Variants in AMPH observed in about 807,000 individuals in gnomAD.
AMPH encodes amphiphysin.
In AMPH, 49 loss-of-function variants were observed where a neutral mutation model predicts 99.1. The ratio of observed to expected loss-of-function variants is 0.49; its 90% CI spans 0.39 to 0.63. The LOEUF (loss-of-function observed/expected upper bound fraction) is 0.63. Ranked by LOEUF, AMPH falls within the 20% of genes least tolerant of loss-of-function variation. The pLI, the probability that AMPH is intolerant of heterozygous loss-of-function variation, is 0.00. For missense variants in AMPH, 759 were observed against 863.4 expected (o/e 0.88, Z 1.52); for synonymous variants, 314 against 317.3 (o/e 0.99, Z 0.11).
intron 17 of AMPH, 74 bp downstream of exon 17, chr7:38,417,751 G>A (rs1187947400): frequency 9.0e-6 from 14 of 1,563,548 alleles, no homozygotes; most frequent in East Asian, 2.3e-5. Flanking sequence ...AGATGAGAGC[G>A]ATGCATATGG....
intron 1 of AMPH, among the ~76,000 whole-genome samples, chr7:38,579,946 C>T (rs1792384196): frequency 6.6e-6 from 1 of 152,138 alleles, no homozygotes; most frequent in South Asian, 2.1e-4. Context: ...CAGTCCCAGA[C>T]TCATGAATAA....
chr7:38,417,862 A>C lies in AMPH; in HGVS notation c.1361T>G (p.Met454Arg). Residue 454 changes from methionine (M) to arginine (R), a missense_variant, in exon 17 of 21, where the codon ATG becomes AGG. Around this residue, in one of 2 missense-constraint regions of AMPH, gnomAD observed 554 missense variants for 575.6 expected, o/e 0.96. Coordinates refer to ENST00000356264, the MANE Select transcript of AMPH (RefSeq NM_001635.4). ...VTPAVGLDLG[M>R]DTRAEEPVEE... ...CACTGGCTCCTCAGCCCGAGTGTCC[A>C]TTCCAAGGTCCAGACCAACGGCAGG... The C allele has an allele frequency of 6.2e-7, 1 of 1,614,126 alleles. No individual in the cohort carries two copies. Among genetic ancestry groups the C allele is most frequent in the Non-Finnish European group, 8.5e-7 (1 of 1,179,996 alleles).
chr7:38,443,704 T>C (rs1428171382), intron 11 of AMPH, among the ~76,000 whole-genome samples: 1 of 152,114 alleles, frequency 6.6e-6, no homozygotes, highest in Non-Finnish European at 1.5e-5. Flanking sequence ...CTCAATCTGA[T>C]AAAAGCCATC....
At chr7:38,483,965 A>G (rs1003137201) in intron 5 of AMPH, among the ~76,000 whole-genome samples, 2 of 152,084 alleles carry the variant, frequency 1.3e-5, no homozygotes, top group Non-Finnish European at 2.9e-5. Context: ...AAATACAATA[A>G]GTGAACTGAA....
chr7:38,422,542 G>C, intron 15 of AMPH, 65 bp from the exon 16 acceptor site: 1 of 1,208,344 alleles, frequency 8.3e-7, no homozygotes, highest in South Asian at 1.2e-5. Context: ...ACCATCAATT[G>C]TGTCTGCCTA....
intron 2 of AMPH, among the ~76,000 whole-genome samples, chr7:38,508,016 AAG>A (rs1789396258): frequency 6.6e-6 from 1 of 152,256 alleles, no homozygotes; most frequent in Admixed American, 6.5e-5. Flanking sequence ...CCAAGACTTC[AAG>A]AGTCTTTAAA....
At chr7:38,403,945 C>G (rs1234381603) in intron 17 of AMPH, among the ~76,000 whole-genome samples, 2 of 152,174 alleles carry the variant, frequency 1.3e-5, no homozygotes, top group Non-Finnish European at 2.9e-5. Context: ...AAGGGCAGAG[C>G]CCATCTTCCC....
In AMPH at chr7:38,459,501, G is replaced by A. The variant is rs531664539; in HGVS notation, c.1017+1782C>T. ...ATGACATTGGTATAAAAATAGACAC[G>A]TAGACCAATGGAACAAAATACAAAG... On this transcript the variant is annotated intron_variant, in intron 11 of 20. Transcript: ENST00000356264. 4.3e-4 allele frequency among the ~76,000 whole-genome samples: 66 copies of A among 152,134 alleles called. No homozygotes were observed. The South Asian group carries it at 7.9e-3, about 18-fold the overall frequency.
intron 1 of AMPH, among the ~76,000 whole-genome samples, chr7:38,603,200 C>T (rs1793312469): frequency 6.6e-6 from 1 of 151,734 alleles, no homozygotes; most frequent in Non-Finnish European, 1.5e-5. Flanking sequence ...CCTGTAATCC[C>T]TACTACTCAG....
intron 5 of AMPH, 67 bp from the exon 6 acceptor site, chr7:38,477,036 G>C: frequency 7.1e-7 from 1 of 1,414,618 alleles, no homozygotes; most frequent in Non-Finnish European, 1.0e-6. Flanking sequence ...TGACAGCCAG[G>C]TGCCAAAATG....
intron 2 of AMPH, among the ~76,000 whole-genome samples, chr7:38,533,811 T>C (rs1790498024): frequency 6.6e-6 from 1 of 152,140 alleles, no homozygotes; most frequent in South Asian, 2.1e-4. Flanking sequence ...GCCTGCCTTC[T>C]TCCTACCCCA....
chr7:38,615,108 T>TTGCACTGCAAAGTC (rs1793830750), intron 1 of AMPH, among the ~76,000 whole-genome samples: 1 of 152,156 alleles, frequency 6.6e-6, no homozygotes, highest in Non-Finnish European at 1.5e-5. Context: ...GAAAAGAACA[T>TTGCACTGCAAAGTC]TGCACTGCAA....
At chr7:38,592,161 C>T (rs969139542) in intron 1 of AMPH, among the ~76,000 whole-genome samples, 2 of 152,244 alleles carry the variant, frequency 1.3e-5, no homozygotes, top group Non-Finnish European at 2.9e-5. Flanking sequence ...AGGCACAGAT[C>T]GCTCATGCTA....
intron 2 of AMPH, among the ~76,000 whole-genome samples, chr7:38,507,902 T>C (rs1357477091): frequency 1.3e-5 from 2 of 152,190 alleles, no homozygotes; most frequent in African/African-American, 2.4e-5. Flanking sequence ...TCCAACTGCA[T>C]GAAGGTGCAA....
intron 5 of AMPH, among the ~76,000 whole-genome samples, chr7:38,478,806 T>A (rs1327974061): frequency 2.0e-5 from 3 of 152,216 alleles, no homozygotes; most frequent in African/African-American, 4.8e-5. Context: ...CTAGAAATTT[T>A]AAAAATGTTA....
chr7:38,573,181 C>T (rs954817151), intron 1 of AMPH, among the ~76,000 whole-genome samples: 4 of 152,162 alleles, frequency 2.6e-5, no homozygotes, highest in Non-Finnish European at 1.5e-5. Flanking sequence ...CTTGTGGACA[C>T]TGGGCTGTGG....
chr7:38,481,933 C>T (rs563295028), intron 5 of AMPH, among the ~76,000 whole-genome samples: 1 of 152,128 alleles, frequency 6.6e-6, no homozygotes, highest in Non-Finnish European at 1.5e-5. Flanking sequence ...TCACTCAACA[C>T]TATTTTTATA....
chr7:38,398,437 G>A (rs1217108884), intron 17 of AMPH, among the ~76,000 whole-genome samples: 1 of 152,134 alleles, frequency 6.6e-6, no homozygotes, highest in Non-Finnish European at 1.5e-5. Context: ...AAAAAAGCCA[G>A]GCACAGAAAG....
At chr7:38,525,008 T>A (rs7780577) in intron 2 of AMPH, among the ~76,000 whole-genome samples, 15,990 of 151,912 alleles carry the variant, frequency 0.11, 1,228 homozygotes, top group East Asian at 0.28. Context: ...TGCCTTCAAG[T>A]GTGTTTGTTC....
Sources: gnomAD v4.1 joint callset for allele counts (sites outside exome capture counted in the v4.1 genomes callset) on GRCh38, gnomAD v4.1.1 for gene constraint, gnomAD v4.1.1 regional missense constraint, MANE v1.5 for transcripts, NCBI Gene and HGNC (gene_info 2026-07-23, HGNC 2026-07-21) for gene names.